Variants in NLGN1 observed in about 807,000 individuals in gnomAD.
NLGN1 encodes the protein neuroligin-1.
NLGN1 carries 12 observed loss-of-function variants against 65.5 expected under a neutral mutation model. The observed-to-expected ratio is 0.18, with a 90% CI of 0.12 to 0.30. NLGN1 has a LOEUF of 0.30. Ranked by LOEUF, NLGN1 falls within the 10% of genes least tolerant of loss-of-function variation. The pLI is 1.00. For synonymous variants in NLGN1, 350 were observed against 359.5 expected (o/e 0.97, Z 0.30); for missense variants, 750 against 1,007.1 (o/e 0.74, Z 3.46).
rs547724733 is a variant in NLGN1, at chr3:174,213,792, T to G, written c.647-61523T>G. ...CATGGGATTAAAAGTAAAATTTAAA[T>G]TACTGAATTATTTTAACGTTATAAT... On this transcript the variant is annotated intron_variant, in intron 4 of 6. Coordinates refer to ENST00000457714, the Ensembl canonical transcript of NLGN1. Among the ~76,000 whole-genome samples, 4 of 152,310 alleles carry G rather than the reference T, an allele frequency of 2.6e-5. No homozygotes were observed. In the South Asian group the frequency reaches 8.3e-4, roughly 32 times the overall value.
chr3:174,080,399 G>A (rs1741910434), intron 4 of NLGN1, among the ~76,000 whole-genome samples: 1 of 152,162 alleles, frequency 6.6e-6, no homozygotes, highest in Admixed American at 6.5e-5. Context: ...GGAATGAAAG[G>A]AAGTAAAGTA....
intron 4 of NLGN1, among the ~76,000 whole-genome samples, chr3:173,984,790 T>A (rs1719530520): frequency 6.6e-6 from 1 of 152,172 alleles, no homozygotes; most frequent in South Asian, 2.1e-4. Context: ...ACATCCGTAA[T>A]CCCAGCACTT....
At chr3:174,055,625 C>A (rs1560934949) in intron 4 of NLGN1, among the ~76,000 whole-genome samples, 1 of 152,002 alleles carries the variant, frequency 6.6e-6, no homozygotes. Context: ...AGCTCCTAAG[C>A]AACAATTGAA....
rs1740967110 is a variant in NLGN1 at position 174,232,779 on chromosome 3, A to G, written c.647-42536A>G. ...TAGCAAAAGTGGCCTTGTCATGTAG[A>G]TGAAGCCTCCCTCAGGGAGAATAGA... is the stretch of plus-strand genomic sequence containing the variant. On this transcript the variant is annotated intron_variant, in intron 4 of 6. Transcript: ENST00000457714. Among the ~76,000 whole-genome samples, 5 of 152,222 alleles carry G rather than the reference A, an allele frequency of 3.3e-5. No homozygotes were observed. The South Asian group carries it at 8.3e-4, about 25-fold the overall frequency.
At chr3:173,649,346 TGTTACAA>T (rs1758772958) in intron 3 of NLGN1, among the ~76,000 whole-genome samples, 2 of 152,274 alleles carry the variant, frequency 1.3e-5, no homozygotes, top group Admixed American at 1.3e-4. Flanking sequence ...AACTATTACA[TGTTACAA>T]GTTACATTTT....
chr3:173,727,299 A>G (rs536051932), intron 3 of NLGN1, among the ~76,000 whole-genome samples: 4 of 152,298 alleles, frequency 2.6e-5, no homozygotes, highest in African/African-American at 9.6e-5. Context: ...TACCTAACAT[A>G]CAGAGCTGAC....
At chr3:173,490,000 A>T (rs962888520) in intron 2 of NLGN1, among the ~76,000 whole-genome samples, 1 of 151,934 alleles carries the variant, frequency 6.6e-6, no homozygotes, top group African/African-American at 2.4e-5. Context: ...TTGTCAGATG[A>T]GTAGGTTGCA....
chr3:174,059,095 T>C (rs1736822631), intron 4 of NLGN1, among the ~76,000 whole-genome samples: 1 of 152,154 alleles, frequency 6.6e-6, no homozygotes, highest in Non-Finnish European at 1.5e-5. Context: ...AAGTGTTTGG[T>C]GCTAACTGGG....
At chr3:173,495,919 T>G (rs1371094823) in intron 2 of NLGN1, among the ~76,000 whole-genome samples, 1 of 151,842 alleles carries the variant, frequency 6.6e-6, no homozygotes, top group Non-Finnish European at 1.5e-5. Flanking sequence ...TTGTATACTT[T>G]TGTAACTGGC....
chr3:174,228,685 A>C (rs1356144609), intron 4 of NLGN1, among the ~76,000 whole-genome samples: 1 of 152,062 alleles, frequency 6.6e-6, no homozygotes, highest in African/African-American at 2.4e-5. Context: ...TTTATTTCAA[A>C]CTACAGCAAT....
chr3:173,420,019 GA>G lies in NLGN1; in HGVS notation c.-389-14990del, dbSNP rs1714706525. 1.4e-5 allele frequency among the ~76,000 whole-genome samples: 2 copies of G among 145,046 alleles called. 1 individual carries two copies. The highest frequency in any genetic ancestry group is 1.3e-4 in the Admixed American group (2 of 14,844). ...AAATAAAGTAAAATAAAATAATAGTGACCCCTGACCTTTTTTGTTTTCCATT... is the reference window on the plus strand; with the variant it reads ...AAATAAAGTAAAATAAAATAATAGTGCCCCTGACCTTTTTTGTTTTCCATT... On this transcript the variant is annotated intron_variant, in intron 1 of 6. Transcript: ENST00000457714.
intron 4 of NLGN1, among the ~76,000 whole-genome samples, chr3:174,266,231 CT>C (rs1394435352): frequency 6.6e-6 from 1 of 151,950 alleles, no homozygotes; most frequent in Non-Finnish European, 1.5e-5. Flanking sequence ...GAAGTAGGCC[CT>C]GGTGTCTATA....
At chr3:173,427,357 G>C (rs980043439) in intron 1 of NLGN1, among the ~76,000 whole-genome samples, 3 of 151,566 alleles carry the variant, frequency 2.0e-5, no homozygotes, top group Non-Finnish European at 4.4e-5. Context: ...TGAATTTTCA[G>C]TTTGGATTGT....
intron 2 of NLGN1, among the ~76,000 whole-genome samples, chr3:173,499,519 G>GCAAA (rs1333156015): frequency 1.1e-4 from 16 of 151,960 alleles, no homozygotes; most frequent in Admixed American, 6.5e-4. Flanking sequence ...TTTGCGTTAG[G>GCAAA]ATTGACTTGG....
intron 1 of NLGN1, among the ~76,000 whole-genome samples, chr3:173,403,109 A>G (rs1577291506): frequency 6.6e-6 from 1 of 152,284 alleles, no homozygotes; most frequent in East Asian, 1.9e-4. Context: ...CATGGAATAA[A>G]TGGTGTATAT....
chr3:174,138,890 TA>T (rs1280173840), intron 4 of NLGN1, among the ~76,000 whole-genome samples: 2 of 152,128 alleles, frequency 1.3e-5, no homozygotes, highest in South Asian at 2.1e-4. Flanking sequence ...GTGCTGAAGG[TA>T]AAAAAATTAA....
intron 4 of NLGN1, among the ~76,000 whole-genome samples, chr3:174,163,477 T>G (rs1054189536): frequency 1.3e-5 from 2 of 152,126 alleles, no homozygotes; most frequent in African/African-American, 4.8e-5. Flanking sequence ...TATACATGTT[T>G]GTTACCTGGG....
intron 4 of NLGN1, among the ~76,000 whole-genome samples, chr3:173,854,046 T>C (rs1005687488): frequency 6.6e-6 from 1 of 152,012 alleles, no homozygotes; most frequent in Non-Finnish European, 1.5e-5. Flanking sequence ...ATCTTAAAAA[T>C]CGTAACTAAA....
chr3:173,538,567 C>T (rs966373875), intron 2 of NLGN1, among the ~76,000 whole-genome samples: 1 of 152,132 alleles, frequency 6.6e-6, no homozygotes, highest in Non-Finnish European at 1.5e-5. Context: ...ATAATGAAAG[C>T]AGTGTAATAC....
Sources: gnomAD v4.1 joint callset for allele counts (sites outside exome capture counted in the v4.1 genomes callset) on GRCh38, gnomAD v4.1.1 for gene constraint, MANE v1.5 for transcripts, NCBI Gene and HGNC (gene_info 2026-07-23, HGNC 2026-07-21) for gene names.